The following UBQLN4 variants were observed in gnomAD, a reference collection of about 807,000 sequenced individuals.
UBQLN4 encodes the protein ubiquilin-4.
UBQLN4 carries 11 observed loss-of-function variants against 60.4 expected under a neutral mutation model. The ratio of observed to expected loss-of-function variants is 0.18; its 90% CI spans 0.11 to 0.30. UBQLN4 has a LOEUF of 0.30. Among genes scored for constraint, UBQLN4 ranks in the 10% least tolerant of loss-of-function variants. The probability of loss-of-function intolerance (pLI) is 1.00; values close to 1 mark genes in which losing one functional copy is unlikely to be tolerated. For missense variants in UBQLN4, 417 were observed against 795.5 expected (o/e 0.52, Z 5.72); for synonymous variants, 258 against 313.1 (o/e 0.82, Z 1.86).
At chr1:156,049,363 G>C (rs947514011) in intron 4 of UBQLN4, among the ~76,000 whole-genome samples, 1 of 152,228 alleles carries the variant, frequency 6.6e-6, no homozygotes, top group East Asian at 1.9e-4. Flanking sequence ...TGAACCTTGA[G>C]AAACACTGAA....
At chr1:156,045,139 G>A (rs1395209488) in intron 5 of UBQLN4, among the ~76,000 whole-genome samples, 1 of 152,148 alleles carries the variant, frequency 6.6e-6, no homozygotes, top group Non-Finnish European at 1.5e-5. Context: ...TCTCTTTCCT[G>A]AGTTCCCAGG....
In UBQLN4 at chr1:156,037,017, G is replaced by A. The variant is rs201868556; in HGVS notation, c.1767C>T (p.Asn589=). 5.0e-6 allele frequency: 8 copies of A among 1,614,086 alleles called. No homozygotes were observed. Among genetic ancestry groups the A allele is most frequent in the East Asian group, 2.2e-5 (1 of 44,892 alleles). The stretch of plus-strand genomic sequence containing the variant: ...AGCCCAGCAGTCTCTCGATAGCTGC[G>A]TTGATGTCCCCTCCTGTGGCAATCA... ...QALIATGGDI[N]AAIERLLGSQ... Residue 589 remains asparagine (N), a synonymous_variant, in exon 11 of 11, where the codon AAC becomes AAT. Coordinates refer to ENST00000368309, the MANE Select transcript of UBQLN4 (RefSeq NM_020131.5).
chr1:156,037,273 G>A (rs969649804), intron 10 of UBQLN4, 143 bp from the exon 11 acceptor site: 6 of 1,048,466 alleles, frequency 5.7e-6, no homozygotes, highest in Non-Finnish European at 8.2e-6. Flanking sequence ...GCAAATGGGG[G>A]CCCAGGAGCC....
intron 8 of UBQLN4, 79 bp downstream of exon 8, chr1:156,042,074 C>T (rs1683582653): frequency 6.2e-7 from 1 of 1,610,202 alleles, no homozygotes; most frequent in Admixed American, 1.7e-5. Flanking sequence ...CAAGCTCTGC[C>T]CCAACTTCAT....
chr1:156,038,812 CTTT>C (rs536553162), intron 10 of UBQLN4, among the ~76,000 whole-genome samples: 2 of 133,114 alleles, frequency 1.5e-5, no homozygotes, highest in South Asian at 2.3e-4. Context: ...AGGTCTTCTT[CTTT>C]TTTTTTTTTT....
intron 1 of UBQLN4, among the ~76,000 whole-genome samples, chr1:156,052,976 C>T (rs546810986): frequency 6.6e-6 from 1 of 152,274 alleles, no homozygotes; most frequent in Non-Finnish European, 1.5e-5. Context: ...AACCAGATGG[C>T]CTATCTTAAG....
chr1:156,051,256 G>C lies in UBQLN4; in HGVS notation c.332C>G (p.Thr111Arg), dbSNP rs370250053. The C allele has an allele frequency of 4.4e-6, 7 of 1,582,576 alleles. No individual in the cohort carries two copies. The South Asian group carries it at 6.9e-5, about 15-fold the overall frequency. ...TPDPASAPST[T>R]PASPATPAQP... ...GGCAGGGGTGGCGGGTGAAGCAGGC[G>C]TGGTGGAGGGTGCTGAGGCAGGGTC... is the stretch of plus-strand genomic sequence containing the variant. The change falls in exon 3 of 11, where the codon ACG (threonine) becomes AGG (arginine). Residue 111 changes from threonine to arginine, a missense_variant. Coordinates refer to ENST00000368309, the MANE Select transcript of UBQLN4 (RefSeq NM_020131.5).
At chr1:156,034,630 C>T (rs1311521582), downstream of UBQLN4, among the ~76,000 whole-genome samples, 2 of 150,672 alleles carry the variant, frequency 1.3e-5, no homozygotes, top group Non-Finnish European at 3.0e-5. Context: ...AAGGGGAGGG[C>T]AATCTTGCCA....
At position 156,036,200 on chromosome 1, in the gene UBQLN4, T is replaced by A. The variant is rs35996362; in HGVS notation, c.*778A>T. 6 of 985,528 alleles carry A rather than the reference T, an allele frequency of 6.1e-6. No homozygotes were observed. The African/African-American group carries it at 7.0e-5, about 11-fold the overall frequency. 61.0% of individuals were successfully genotyped at this position (985,528 alleles called of 1,614,324 possible). On this transcript the variant is annotated 3_prime_UTR_variant, in exon 11 of 11. Transcript: ENST00000368309. ...TGGATTCTTCTGCCTAAAAGAGCTA[T>A]GAGTGCTTCTGCTCCCCACTGTTAA... is the stretch of plus-strand genomic sequence containing the variant.
At chr1:156,041,412 T>C (rs1683559102) in intron 10 of UBQLN4, 73 bp downstream of exon 10, 1 of 1,459,418 alleles carries the variant, frequency 6.9e-7, no homozygotes, top group African/African-American at 1.4e-5. Context: ...ACTGCCTCTA[T>C]TCTATTGCTT....
At chr1:156,051,898 A>G in intron 1 of UBQLN4, 41 bp from the exon 2 acceptor site, 1 of 1,608,846 alleles carries the variant, frequency 6.2e-7, no homozygotes, top group Non-Finnish European at 8.5e-7. Flanking sequence ...GGCTGCCTGG[A>G]CTCCCCCTAC....
In UBQLN4 at chr1:156,051,117, G is replaced by C; in HGVS notation, c.471C>G (p.Ser157=). Residue 157 remains serine (S), a synonymous_variant, in exon 3 of 11, where the codon TCC becomes TCG. Transcript: ENST00000368309. ...TCCTCTCTGAGGGCTTACAGAGTAT[G>C]GACGCAGTAGCACTGGGGGATCCCT... The part of the protein sequence containing the change: ...AGEGSPSATA[S]ILSGFGGILG... 1 of 1,613,374 alleles carries C rather than the reference G, an allele frequency of 6.2e-7. No individual in the cohort carries two copies. The highest frequency in any genetic ancestry group is 8.5e-7 in the Non-Finnish European group (1 of 1,179,612).
chr1:156,050,916 A>G lies in UBQLN4; in HGVS notation c.478+194T>C, dbSNP rs939660636. On this transcript the variant is annotated intron_variant, in intron 3 of 10. Coordinates refer to ENST00000368309, the MANE Select transcript of UBQLN4 (RefSeq NM_020131.5). The surrounding 1 kb of genome is among the most constrained non-coding windows in gnomAD (Gnocchi z 4.6). ...CTCCCCTCACTCCTAACCCTTAGCC[A>G]TGGTCCCCACCTCTGAGAACTCCTC... Among the ~76,000 whole-genome samples the G allele has an allele frequency of 6.0e-5, 9 of 150,006 alleles. No homozygotes were observed. The highest frequency in any genetic ancestry group is 1.0e-4 in the Non-Finnish European group (7 of 67,686).
rs763579352 is a variant in UBQLN4 at position 156,048,455 on chromosome 1, C to T, written c.900+46G>A. 4 of 1,565,622 alleles carry T rather than the reference C, an allele frequency of 2.6e-6. No individual in the cohort carries two copies. The highest frequency in any genetic ancestry group is 1.7e-6 in the Non-Finnish European group (2 of 1,147,204). On this transcript the variant is annotated intron_variant, in intron 5 of 10. Transcript: ENST00000368309. The surrounding 1 kb of genome is among the most constrained non-coding windows in gnomAD (Gnocchi z 4.9). ...TTTGCCTGGGGTGGGGGTAGGGAAT[C>T]TCGAGCCCAGACAGCCCAACCCACT...
rs1217935269 is a variant in UBQLN4, at chr1:156,035,437, C to T, written c.*1541G>A. ...CTTGGAGCAAACTCTGTTCCTCTTGCCGTCATATTCTCAGCCATGGGGTCG... is the reference window on the plus strand; with the variant it reads ...CTTGGAGCAAACTCTGTTCCTCTTGTCGTCATATTCTCAGCCATGGGGTCG... On this transcript the variant is annotated 3_prime_UTR_variant, in exon 11 of 11. Transcript: ENST00000368309. The T allele has an allele frequency of 1.0e-6, 1 of 984,644 alleles. No individual in the cohort carries two copies. The highest frequency in any genetic ancestry group is 1.2e-6 in the Non-Finnish European group (1 of 829,554). The allele number at this position is 984,644 out of a possible 1,614,324, so 61.0% of individuals were successfully genotyped here.
chr1:156,038,043 G>T (rs1683451836), intron 10 of UBQLN4, among the ~76,000 whole-genome samples: 1 of 152,138 alleles, frequency 6.6e-6, no homozygotes, highest in Non-Finnish European at 1.5e-5. Context: ...AGTAGCTGGG[G>T]CTACAGGTGT....
intron 5 of UBQLN4, among the ~76,000 whole-genome samples, chr1:156,045,252 C>T (rs1418115410): frequency 1.3e-5 from 2 of 152,166 alleles, no homozygotes; most frequent in Non-Finnish European, 2.9e-5. Context: ...AAGGATTCTC[C>T]TACTCTGAGC....
rs1052018568 is a variant in UBQLN4 at position 156,051,154 on chromosome 1, G to A, written c.434C>T (p.Pro145Leu). 1.1e-5 allele frequency: 17 copies of A among 1,612,290 alleles called. No individual in the cohort carries two copies. Among genetic ancestry groups the A allele is most frequent in the South Asian group, 3.3e-5 (3 of 90,842 alleles). The change falls in exon 3 of 11, where the codon CCG (proline) becomes CTG (leucine). Residue 145 changes from proline to leucine, a missense_variant. Transcript: ENST00000368309. ...ACTGGGGGATCCCTCCCCAGCCCCCGGAGAGGGCCCCCCACCACTGCTCCT... is the reference window on the plus strand; with the variant it reads ...ACTGGGGGATCCCTCCCCAGCCCCCAGAGAGGGCCCCCCACCACTGCTCCT... The part of the protein sequence containing the change: ...SRRSSGGGPS[P>L]GAGEGSPSAT...
Position 156,036,219 on chromosome 1 carries a change from C to T in UBQLN4, c.*759G>A, listed in dbSNP as rs76676776. 3.0e-6 allele frequency: 3 copies of T among 985,638 alleles called. No individual in the cohort carries two copies. The highest frequency in any genetic ancestry group is 3.6e-6 in the Non-Finnish European group (3 of 829,966). 61.1% of individuals were successfully genotyped at this position (985,638 alleles called of 1,614,324 possible). A position where few individuals can be genotyped will look rare whatever the true frequency, so the allele number is the denominator to read the frequency against. ...GAGCTATGAGTGCTTCTGCTCCCCA[C>T]TGTTAATTCCAACTTCCAAGCCTTT... is the stretch of plus-strand genomic sequence containing the variant. On this transcript the variant is annotated 3_prime_UTR_variant, in exon 11 of 11. Coordinates refer to ENST00000368309, the MANE Select transcript of UBQLN4 (RefSeq NM_020131.5).
Sources: gnomAD v4.1 joint callset for allele counts (sites outside exome capture counted in the v4.1 genomes callset) on GRCh38, gnomAD v4.1.1 for gene constraint, Gnocchi (gnomAD v3.1) non-coding constraint, MANE v1.5 for transcripts, NCBI Gene and HGNC (gene_info 2026-07-23, HGNC 2026-07-21) for gene names.